Variants in ARHGAP19 observed in about 807,000 individuals in gnomAD.
The protein encoded by ARHGAP19 is Rho GTPase activating protein 19.
A neutral mutation model predicts 60.9 loss-of-function variants in ARHGAP19; 48 were observed. The ratio of observed to expected loss-of-function variants is 0.79; its 90% confidence interval spans 0.62 to 1.00. The LOEUF is 1.00. Among genes scored for constraint, ARHGAP19 ranks in the 50% least tolerant of loss-of-function variants. The pLI, the probability that ARHGAP19 is intolerant of heterozygous loss-of-function variation, is 0.00. For missense variants in ARHGAP19, 562 were observed against 597.2 expected (o/e 0.94, Z 0.61); for synonymous variants, 209 against 215.5 (o/e 0.97, Z 0.27).
chr10:97,266,262 T>A, intron 1 of ARHGAP19, 137 bp from the exon 2 acceptor site: 1 of 970,686 alleles, frequency 1.0e-6, no homozygotes, highest in Non-Finnish European at 1.5e-6. Flanking sequence ...CTGAGCCAGA[T>A]GCCCTTGAAC....
chr10:97,249,287 G>A (rs9645559), intron 6 of ARHGAP19, among the ~76,000 whole-genome samples: 6,588 of 152,174 alleles, frequency 0.043, 211 homozygotes, highest in Non-Finnish European at 0.061. Flanking sequence ...TTTACTAACC[G>A]CAAAGGGGAA....
At position 97,229,766 on chromosome 10, in the gene ARHGAP19, A is replaced by T. The variant is rs1438116094; in HGVS notation, c.1393T>A (p.Leu465Ile). Residue 465 changes from leucine to isoleucine, a missense_variant and splice_region_variant, in exon 10 of 12, where the codon TTA (leucine) becomes ATA (isoleucine). Transcript: ENST00000358531. The part of the protein sequence containing the change: ...LKGTSKENRN[L>I]LFSGSPAVTM... ...CAGTCCAAAGAACAGTGTCTTACTA[A>T]GTTCCTATTTTCTTTGCTGGTTCCC... 6.3e-7 allele frequency: 1 copy of T among 1,585,124 alleles called. No homozygotes were observed. The highest frequency in any genetic ancestry group is 2.2e-5 in the East Asian group (1 of 44,678).
At chr10:97,256,615 A>C (rs1163853487) in intron 5 of ARHGAP19, 4 of 417,102 alleles carry the variant, frequency 9.6e-6, no homozygotes, top group Non-Finnish European at 1.7e-5. Flanking sequence ...GAAATCCTTG[A>C]AAACCATTTT....
chr10:97,262,482 T>C (rs1842843701), intron 4 of ARHGAP19, among the ~76,000 whole-genome samples: 1 of 151,872 alleles, frequency 6.6e-6, no homozygotes, highest in African/African-American at 2.4e-5. Context: ...CTGGCCAACA[T>C]GGTGAAATCC....
chr10:97,280,018 G>C (rs1041198213), intron 1 of ARHGAP19, among the ~76,000 whole-genome samples: 2 of 152,136 alleles, frequency 1.3e-5, no homozygotes, highest in Non-Finnish European at 2.9e-5. Flanking sequence ...CTTTCTGGGT[G>C]TCATATGAAT....
rs763873213 is a variant in ARHGAP19, at chr10:97,259,542, T to C, written c.700A>G (p.Ile234Val). The stretch of plus-strand genomic sequence containing the variant: ...AAATTACGATTAGGAGGAGGGAGAA[T>C]GAGGAAGAGCAACTGGAGAGCCTCA... ...QIEALQLLFL[I>V]LPPPNRNLLK... Residue 234 changes from isoleucine to valine, a missense_variant, in exon 5 of 12, where the codon ATT becomes GTT. Coordinates refer to ENST00000358531, the MANE Select transcript of ARHGAP19 (RefSeq NM_032900.6). 9.9e-6 allele frequency: 16 copies of C among 1,614,052 alleles called. No homozygotes were observed. The highest frequency in any genetic ancestry group is 9.3e-6 in the Non-Finnish European group (11 of 1,180,032).
chr10:97,250,372 A>G (rs942051370), intron 6 of ARHGAP19, among the ~76,000 whole-genome samples: 23 of 140,024 alleles, frequency 1.6e-4, no homozygotes, highest in African/African-American at 3.4e-4. Context: ...CATGATATGT[A>G]TAGTTTAATT....
At position 97,252,278 on chromosome 10, in the gene ARHGAP19, G is replaced by A. The variant is rs189142844; in HGVS notation, c.927+4040C>T. Among the ~76,000 whole-genome samples the A allele has an allele frequency of 3.6e-3, 549 of 151,186 alleles. 5 individuals carry two copies. Among genetic ancestry groups the A allele is most frequent in the Non-Finnish European group, 4.5e-3 (303 of 67,874 alleles). On this transcript the variant is annotated intron_variant, in intron 6 of 11. Coordinates refer to ENST00000358531, the MANE Select transcript of ARHGAP19 (RefSeq NM_032900.6). ...GGATCACTTGAGCTCAGTGAGCTGT[G>A]ATCATGCCACCACACTCCAGCCTGG...
chr10:97,229,723 T>C (rs1850967759), intron 10 of ARHGAP19, 41 bp downstream of exon 10: 1 of 1,437,884 alleles, frequency 7.0e-7, no homozygotes, highest in Non-Finnish European at 9.6e-7. Flanking sequence ...TTTCTACAAA[T>C]ATATACAGAC....
intron 8 of ARHGAP19, among the ~76,000 whole-genome samples, chr10:97,235,678 A>G (rs1388652152): frequency 6.6e-6 from 1 of 152,200 alleles, no homozygotes; most frequent in Non-Finnish European, 1.5e-5. Context: ...ACAATCTAAA[A>G]CAGTCCCTAA....
At chr10:97,234,129 T>C (rs1337295374) in intron 9 of ARHGAP19, among the ~76,000 whole-genome samples, 1 of 151,938 alleles carries the variant, frequency 6.6e-6, no homozygotes, top group Non-Finnish European at 1.5e-5. Context: ...TAGCTGGGCA[T>C]GGTGGCAGGC....
rs1850825111 is a variant in ARHGAP19, at chr10:97,222,639, G to A, written c.*3483C>T. The A allele has an allele frequency of 6.6e-6, 1 of 152,238 alleles. No homozygotes were observed. The highest frequency in any genetic ancestry group is 1.5e-5 in the Non-Finnish European group (1 of 68,032). 9.4% of individuals were successfully genotyped at this position (152,238 alleles called of 1,614,324 possible). On this transcript the variant is annotated 3_prime_UTR_variant, in exon 12 of 12. Transcript: ENST00000358531. The stretch of plus-strand genomic sequence containing the variant: ...TTTAGTTGAGTTAATCACCACTGGT[G>A]TAAAACGCTTGTGCATCTTAGGAAC...
chr10:97,265,017 T>C, intron 2 of ARHGAP19, 111 bp from the exon 3 acceptor site: 1 of 807,670 alleles, frequency 1.2e-6, no homozygotes, highest in Non-Finnish European at 2.0e-6. Flanking sequence ...CATTTTCACA[T>C]GGTCAGTAAA....
At chr10:97,242,427 G>A (rs1317601242) in intron 8 of ARHGAP19, among the ~76,000 whole-genome samples, 5 of 136,110 alleles carry the variant, frequency 3.7e-5, no homozygotes, top group African/African-American at 1.1e-4. Flanking sequence ...TCCACCTCCC[G>A]GGCTCAAGCA....
chr10:97,242,324 C>CTTTTT (rs1164708198), intron 8 of ARHGAP19, among the ~76,000 whole-genome samples: 4 of 55,796 alleles, frequency 7.2e-5, no homozygotes, highest in African/African-American at 1.5e-4. Flanking sequence ...TATCAGTGTT[C>CTTTTT]TTTTTTTTTT....
chr10:97,282,848 T>C (rs948373842), intron 1 of ARHGAP19, among the ~76,000 whole-genome samples: 197 of 145,506 alleles, frequency 1.4e-3, no homozygotes, highest in African/African-American at 4.8e-3. Context: ...TCTTTTTTTT[T>C]TTTTTTTTTT....
In ARHGAP19 at chr10:97,233,158, A is replaced by G. The variant is rs371841431; in HGVS notation, c.1284+2059T>C. Among the ~76,000 whole-genome samples, 11 of 151,890 alleles carry G rather than the reference A, an allele frequency of 7.2e-5. No individual in the cohort carries two copies. The East Asian group carries it at 2.1e-3, about 29-fold the overall frequency. On this transcript the variant is annotated intron_variant, in intron 9 of 11. Coordinates refer to ENST00000358531, the MANE Select transcript of ARHGAP19 (RefSeq NM_032900.6). ...AGCGAGACTGTCTCAAAAAAAAAAGACCAGCAACACAGCAAGACCCCATCT... is the reference window on the plus strand; with the variant it reads ...AGCGAGACTGTCTCAAAAAAAAAAGGCCAGCAACACAGCAAGACCCCATCT...
intron 1 of ARHGAP19, among the ~76,000 whole-genome samples, chr10:97,289,938 T>C (rs1843208427): frequency 6.6e-6 from 1 of 152,108 alleles, no homozygotes; most frequent in Non-Finnish European, 1.5e-5. Flanking sequence ...GGAATAGTAT[T>C]TTATTTGTCC....
intron 1 of ARHGAP19, among the ~76,000 whole-genome samples, chr10:97,267,171 T>C (rs1022331487): frequency 6.6e-6 from 1 of 152,094 alleles, no homozygotes; most frequent in Non-Finnish European, 1.5e-5. Context: ...CCATTCCAAA[T>C]GGGAGAAATT....
Sources: gnomAD v4.1 joint callset for allele counts (sites outside exome capture counted in the v4.1 genomes callset) on GRCh38, gnomAD v4.1.1 for gene constraint, MANE v1.5 for transcripts, NCBI Gene and HGNC (gene_info 2026-07-23, HGNC 2026-07-21) for gene names.